GPM6A: variants seen among roughly 807,000 people sequenced by gnomAD.
GPM6A encodes the protein neuronal membrane glycoprotein M6-a.
A neutral mutation model predicts 32.1 loss-of-function variants in GPM6A; 7 were observed. That is an observed-to-expected ratio of 0.22 (90% CI 0.12 to 0.41). The LOEUF (loss-of-function observed/expected upper bound fraction) is 0.41. Among genes scored for constraint, GPM6A ranks in the 10% least tolerant of loss-of-function variants. The pLI is 1.00. For synonymous variants in GPM6A, 130 were observed against 123.4 expected, an observed-to-expected ratio of 1.05 and a Z score of -0.35; for missense variants, 235 against 347.2, an observed-to-expected ratio of 0.68 and a Z score of 2.57.
In GPM6A at chr4:175,801,021, G is replaced by C. The variant is rs138242651; in HGVS notation, c.37+11170C>G. The C allele has an allele frequency of 3.3e-3, 568 of 174,022 alleles. 2 individuals are homozygous for C. The highest frequency in any genetic ancestry group is 0.013 in the African/African-American group (546 of 41,940). The allele number at this position is 174,022 out of a possible 1,614,324, so 10.8% of individuals were successfully genotyped here. On this transcript the variant is annotated intron_variant, in intron 1 of 6. Coordinates refer to ENST00000393658, the MANE Select transcript of GPM6A (RefSeq NM_201591.3). ...AAACACTTGTTAATCTTAGCACTAT[G>C]TTTAACAAGCCTCCCAAGTATTGAA... is the stretch of plus-strand genomic sequence containing the variant.
upstream of GPM6A, chr4:176,002,386 C>T: frequency 1.3e-6 from 2 of 1,553,540 alleles, no homozygotes; most frequent in East Asian, 2.4e-5. Context: ...CCAAGTTCTC[C>T]AAGCCGCGCT....
intron 1 of GPM6A, among the ~76,000 whole-genome samples, chr4:175,718,550 C>T (rs1353338843): frequency 2.0e-5 from 3 of 151,938 alleles, no homozygotes; most frequent in Admixed American, 1.3e-4. Context: ...CGGGAGACGG[C>T]GGTTGCAGTG....
intron 1 of GPM6A, among the ~76,000 whole-genome samples, chr4:175,968,543 G>T (rs915899074): frequency 2.0e-5 from 3 of 152,024 alleles, no homozygotes; most frequent in African/African-American, 7.2e-5. Flanking sequence ...TTAATGACTG[G>T]CATCCAAAAT....
At chr4:175,660,569 TA>T (rs902327736) in intron 3 of GPM6A, among the ~76,000 whole-genome samples, 2 of 152,262 alleles carry the variant, frequency 1.3e-5, no homozygotes, top group South Asian at 2.1e-4. Flanking sequence ...AATATGTTGC[TA>T]AAAAATAACA....
At chr4:175,977,750 C>A (rs1740701591) in intron 1 of GPM6A, among the ~76,000 whole-genome samples, 1 of 152,146 alleles carries the variant, frequency 6.6e-6, no homozygotes, top group Admixed American at 6.5e-5. Context: ...AAACTATATT[C>A]AATGTCTACG....
intron 1 of GPM6A, among the ~76,000 whole-genome samples, chr4:175,745,824 G>T (rs759656964): frequency 9.2e-5 from 14 of 152,136 alleles, no homozygotes; most frequent in Non-Finnish European, 1.9e-4. Context: ...TGGAGAAGGA[G>T]ATGGGGGTCA....
intron 2 of GPM6A, among the ~76,000 whole-genome samples, chr4:175,694,134 TA>T (rs1283314631): frequency 6.6e-6 from 1 of 152,178 alleles, no homozygotes; most frequent in Non-Finnish European, 1.5e-5. Flanking sequence ...GTGAGTCAAT[TA>T]ACCTCTTCTT....
chr4:175,987,576 C>T (rs1286029788), intron 1 of GPM6A, among the ~76,000 whole-genome samples: 2 of 150,740 alleles, frequency 1.3e-5, no homozygotes, highest in Non-Finnish European at 3.0e-5. Context: ...TAATTGAATA[C>T]TTTCTCCTGG....
intron 1 of GPM6A, among the ~76,000 whole-genome samples, chr4:175,702,642 G>T (rs1744946283): frequency 6.6e-6 from 1 of 152,072 alleles, no homozygotes; most frequent in Non-Finnish European, 1.5e-5. Context: ...AGCCTCCCAA[G>T]TAGCTAGAGC....
chr4:175,663,280 G>A (rs1480068948), intron 3 of GPM6A, among the ~76,000 whole-genome samples: 1 of 152,154 alleles, frequency 6.6e-6, no homozygotes, highest in Non-Finnish European at 1.5e-5. Flanking sequence ...CCGAAACTTG[G>A]AAGTAACCAA....
At chr4:175,737,304 GTAATCCTGCACGCCTA>G (rs1383555797) in intron 1 of GPM6A, among the ~76,000 whole-genome samples, 27 of 152,084 alleles carry the variant, frequency 1.8e-4, no homozygotes, top group Middle Eastern at 3.4e-3. Context: ...CTGTACGCCT[GTAATCCTGCACGCCTA>G]TAATCCTGCA....
intron 1 of GPM6A, among the ~76,000 whole-genome samples, chr4:175,803,242 G>A (rs974696965): frequency 1.3e-5 from 2 of 151,762 alleles, no homozygotes; most frequent in Non-Finnish European, 2.9e-5. Flanking sequence ...CACTTTGCAG[G>A]TTGGGTTCAT....
intron 1 of GPM6A, among the ~76,000 whole-genome samples, chr4:175,846,832 A>G (rs949863222): frequency 1.1e-4 from 17 of 152,116 alleles, no homozygotes; most frequent in Non-Finnish European, 1.8e-4. Flanking sequence ...GCTCCTGCTT[A>G]TTCAGTCTTC....
rs1197263412 is a variant in GPM6A, at chr4:175,635,001, C to T, written c.741G>A (p.Arg247=). The T allele has an allele frequency of 6.2e-7, 1 of 1,613,488 alleles. No homozygotes were observed. Among genetic ancestry groups the T allele is most frequent in the African/African-American group, 1.3e-5 (1 of 74,894 alleles). ...ACTTGATGTCTTCATACTTCTGCAT[C>T]CGGCAGGCGTCTTTCACATAGGCCC... ...ANWAYVKDAC[R]MQKYEDIKSK... The change falls in exon 7 of 7, where the codon CGG becomes CGA. Residue 247 remains arginine (R), a synonymous_variant. Transcript: ENST00000393658.
chr4:175,976,248 C>T (rs1248241484), intron 1 of GPM6A, among the ~76,000 whole-genome samples: 1 of 151,520 alleles, frequency 6.6e-6, no homozygotes, highest in Admixed American at 6.6e-5. Context: ...CTGCAAGCTC[C>T]GCCTCCCAAG....
At chr4:175,925,386 G>C (rs1052186746) in intron 1 of GPM6A, among the ~76,000 whole-genome samples, 4 of 152,126 alleles carry the variant, frequency 2.6e-5, no homozygotes, top group Non-Finnish European at 5.9e-5. Flanking sequence ...TTCAAAAGCA[G>C]TTAAATAATC....
chr4:175,719,743 A>G (rs113992676), intron 1 of GPM6A, among the ~76,000 whole-genome samples: 4,974 of 152,238 alleles, frequency 0.033, 132 homozygotes, highest in South Asian at 0.12. Context: ...TTCAAAGTAG[A>G]TATGTCACTT....
rs141860021 is a variant in GPM6A, at chr4:175,845,791, T to C, written c.-22-33542A>G. 5.7e-3 allele frequency among the ~76,000 whole-genome samples: 867 copies of C among 152,188 alleles called. 35 individuals carry two copies. Among genetic ancestry groups the C allele is most frequent in the Admixed American group, 0.05 (770 of 15,262 alleles). ...TCAAGAGCTCTCCTTTTTAGTATTG[T>C]CAAGACAATCACCATAAGCAGGTAT... On this transcript the variant is annotated intron_variant, in intron 1 of 7. Transcript: ENST00000280187.
chr4:175,798,231 C>T (rs552880827), intron 1 of GPM6A, among the ~76,000 whole-genome samples: 37 of 152,272 alleles, frequency 2.4e-4, no homozygotes, highest in Admixed American at 8.5e-4. Context: ...TCATTTATAA[C>T]GATCTAACCC....
Sources: gnomAD v4.1 joint callset for allele counts (sites outside exome capture counted in the v4.1 genomes callset) on GRCh38, gnomAD v4.1.1 for gene constraint, MANE v1.5 for transcripts, NCBI Gene and HGNC (gene_info 2026-07-23, HGNC 2026-07-21) for gene names.